LUZP2: variants seen among roughly 807,000 people sequenced by gnomAD.
The protein encoded by LUZP2 is leucine zipper protein 2.
LUZP2 carries 52 observed loss-of-function variants against 51.6 expected under a neutral mutation model. The observed-to-expected ratio is 1.01, with a 90% CI of 0.81 to 1.27. The LOEUF is 1.27. Ranked by LOEUF, LUZP2 falls within the 50% of genes most tolerant of loss-of-function variation. The probability of loss-of-function intolerance (pLI) is 0.00; values close to 1 mark genes in which losing one functional copy is unlikely to be tolerated. For missense variants in LUZP2, 436 were observed against 395.4 expected (o/e 1.10, Z -0.87); for synonymous variants, 154 against 137.3 (o/e 1.12, Z -0.85).
chr11:24,576,598 A>G (rs1852660668), intron 1 of LUZP2, among the ~76,000 whole-genome samples: 1 of 152,002 alleles, frequency 6.6e-6, no homozygotes, highest in Non-Finnish European at 1.5e-5. Flanking sequence ...TAAAGAAAAA[A>G]CACGCGTACA....
chr11:24,533,786 G>A (rs193082628), intron 1 of LUZP2, among the ~76,000 whole-genome samples: 52 of 147,776 alleles, frequency 3.5e-4, no homozygotes, highest in African/African-American at 1.2e-3. Flanking sequence ...TATTTGCCTC[G>A]TTCTCCATGT....
At chr11:24,560,713 G>A (rs957358205) in intron 1 of LUZP2, among the ~76,000 whole-genome samples, 1 of 152,122 alleles carries the variant, frequency 6.6e-6, no homozygotes, top group Non-Finnish European at 1.5e-5. Context: ...TCTCCTATGC[G>A]CTTCTCAAGC....
At chr11:24,498,107 G>T (rs1012759887) in intron 1 of LUZP2, among the ~76,000 whole-genome samples, 5 of 152,130 alleles carry the variant, frequency 3.3e-5, no homozygotes, top group Non-Finnish European at 7.4e-5. Context: ...TGATGGGTTT[G>T]CTTTTTTCTT....
At chr11:24,670,265 G>A (rs765648141) in intron 1 of LUZP2, among the ~76,000 whole-genome samples, 4 of 151,952 alleles carry the variant, frequency 2.6e-5, no homozygotes, top group East Asian at 1.9e-4. Flanking sequence ...ATTTTCATTA[G>A]CATTAAGTAA....
intron 9 of LUZP2, among the ~76,000 whole-genome samples, chr11:25,004,551 A>G (rs1346361112): frequency 2.0e-5 from 3 of 152,138 alleles, no homozygotes; most frequent in African/African-American, 4.8e-5. Context: ...CAGCTGATTG[A>G]GTAATAAACT....
chr11:24,831,920 C>T (rs1317577770), intron 5 of LUZP2: 1 of 152,400 alleles, frequency 6.6e-6, no homozygotes, highest in African/African-American at 2.4e-5. Context: ...AGGAAGAGAC[C>T]AAGAGATCTC....
intron 4 of LUZP2, among the ~76,000 whole-genome samples, chr11:24,741,963 T>G (rs148866942): frequency 0.4 from 49,053 of 123,598 alleles, 10,361 homozygotes; most frequent in East Asian, 0.59. Flanking sequence ...ATATTATATA[T>G]AAATATATAC....
chr11:24,741,565 C>T (rs1042766780), intron 4 of LUZP2, among the ~76,000 whole-genome samples: 1 of 151,354 alleles, frequency 6.6e-6, no homozygotes, highest in African/African-American at 2.4e-5. Context: ...CCTTGCCCCC[C>T]AGTCACACTT....
intron 1 of LUZP2, among the ~76,000 whole-genome samples, chr11:24,602,206 G>GTATATATGTACATATA (rs1853722782): frequency 1.5e-5 from 1 of 67,714 alleles, no homozygotes; most frequent in East Asian, 3.5e-4. Context: ...GTACATATAT[G>GTATATATGTACATATA]TGTATATATG....
intron 7 of LUZP2, among the ~76,000 whole-genome samples, chr11:24,947,185 A>G (rs1257810122): frequency 6.6e-6 from 1 of 152,062 alleles, no homozygotes; most frequent in Non-Finnish European, 1.5e-5. Context: ...CTAATAAAGT[A>G]ATTTTGAAAA....
At chr11:24,813,436 C>G (rs1201495791) in intron 5 of LUZP2, among the ~76,000 whole-genome samples, 1 of 152,094 alleles carries the variant, frequency 6.6e-6, no homozygotes, top group Non-Finnish European at 1.5e-5. Context: ...AGCTTCCAGT[C>G]ATGGCAGAAG....
At chr11:24,896,459 G>A (rs1023456021) in intron 5 of LUZP2, among the ~76,000 whole-genome samples, 20 of 152,152 alleles carry the variant, frequency 1.3e-4, no homozygotes, top group Admixed American at 9.2e-4. Flanking sequence ...AGGGGGCGCC[G>A]GGTCCCCAGC....
At chr11:24,540,895 A>G (rs1218794796) in intron 1 of LUZP2, among the ~76,000 whole-genome samples, 1 of 152,152 alleles carries the variant, frequency 6.6e-6, no homozygotes, top group Non-Finnish European at 1.5e-5. Flanking sequence ...AACAAAATAG[A>G]CAAAACATAA....
intron 1 of LUZP2, among the ~76,000 whole-genome samples, chr11:24,517,978 T>G (rs1024300124): frequency 9.2e-5 from 14 of 152,150 alleles, no homozygotes; most frequent in African/African-American, 3.4e-4. Context: ...GGATTATTTT[T>G]GAAATATTGG....
intron 1 of LUZP2, among the ~76,000 whole-genome samples, chr11:24,661,471 C>T (rs1856019530): frequency 6.6e-6 from 1 of 152,142 alleles, no homozygotes; most frequent in African/African-American, 2.4e-5. Context: ...CAATGGGCTG[C>T]AGACAGATGC....
At chr11:24,724,555 A>G (rs1450851708) in intron 1 of LUZP2, among the ~76,000 whole-genome samples, 1 of 152,216 alleles carries the variant, frequency 6.6e-6, no homozygotes, top group Non-Finnish European at 1.5e-5. Flanking sequence ...TGGGTGGCAG[A>G]GCCAGACCCT....
At chr11:24,843,805 G>C (rs1851110338) in intron 5 of LUZP2, among the ~76,000 whole-genome samples, 2 of 152,070 alleles carry the variant, frequency 1.3e-5, no homozygotes, top group South Asian at 4.2e-4. Flanking sequence ...TGAGTCTCAA[G>C]AGACTTGATG....
At chr11:24,597,996 G>T (rs1180366425) in intron 1 of LUZP2, among the ~76,000 whole-genome samples, 1 of 151,966 alleles carries the variant, frequency 6.6e-6, no homozygotes, top group African/African-American at 2.4e-5. Context: ...AGCTGCTTGA[G>T]AGGCTGAGGC....
intron 5 of LUZP2, among the ~76,000 whole-genome samples, chr11:24,828,331 C>T (rs1158426789): frequency 1.3e-5 from 2 of 152,092 alleles, no homozygotes; most frequent in Non-Finnish European, 2.9e-5. Flanking sequence ...TTCAAAGACA[C>T]AAGCAACTTA....
Sources: gnomAD v4.1 joint callset for allele counts (sites outside exome capture counted in the v4.1 genomes callset) on GRCh38, gnomAD v4.1.1 for gene constraint, MANE v1.5 for transcripts, NCBI Gene and HGNC (gene_info 2026-07-23, HGNC 2026-07-21) for gene names.